Variants in TCF20 observed in about 807,000 individuals in gnomAD.
The protein encoded by TCF20 is SPRE-binding protein.
A neutral mutation model predicts 148.6 loss-of-function variants in TCF20; 3 were observed. That is an observed-to-expected ratio of 0.02 (90% CI 0.01 to 0.05). TCF20 has a LOEUF of 0.05. Among genes scored for constraint, TCF20 ranks in the 10% least tolerant of loss-of-function variants. The pLI, the probability that TCF20 is intolerant of heterozygous loss-of-function variation, is 1.00. For missense variants in TCF20, 2,350 were observed against 2,429.3 expected (o/e 0.97, Z 0.69); for synonymous variants, 1,049 against 909.5 (o/e 1.15, Z -2.76).
rs1291348171 is a variant in TCF20, at chr22:42,209,863, C to T, written c.5443G>A (p.Gly1815Ser). Reference protein sequence around the residue: ...GLPCKKAATEGSSEKTVLDSK... With the variant: ...GLPCKKAATESSSEKTVLDSK... Reference sequence around the variant, plus strand: ...TCCAAAACAGTCTTTTCACTGCTGCCCTCAGTGGCTGCTTTTTTACAAGGG... The same window carrying T: ...TCCAAAACAGTCTTTTCACTGCTGCTCTCAGTGGCTGCTTTTTTACAAGGG... Residue 1815 changes from glycine (G) to serine (S), a missense_variant, in exon 2 of 6, where the codon GGC becomes AGC. Physicochemically the swap from Gly to Ser is moderately conservative, Grantham distance 56. Coordinates refer to ENST00000677622, the MANE Select transcript of TCF20 (RefSeq NM_001378418.1). 1.9e-6 allele frequency: 3 copies of T among 1,614,082 alleles called. No individual in the cohort carries two copies. The highest frequency in any genetic ancestry group is 3.3e-5 in the Admixed American group (2 of 60,006).
chr22:42,258,851 G>A (rs1466240108), intron 1 of TCF20, among the ~76,000 whole-genome samples: 2 of 151,962 alleles, frequency 1.3e-5, no homozygotes, highest in Admixed American at 6.6e-5. Context: ...TCCATAAGAA[G>A]TATTTATATT....
At chr22:42,206,566 T>C (rs1938402063) in intron 2 of TCF20, among the ~76,000 whole-genome samples, 1 of 152,206 alleles carries the variant, frequency 6.6e-6, no homozygotes, top group Non-Finnish European at 1.5e-5. Context: ...TGTTACATCC[T>C]CCTAGGATCT....
chr22:42,248,174 C>G (rs560110820), intron 1 of TCF20, among the ~76,000 whole-genome samples: 4 of 152,204 alleles, frequency 2.6e-5, no homozygotes, highest in Non-Finnish European at 5.9e-5. Context: ...AGCACGTACT[C>G]ATGTGGGCGC....
intron 2 of TCF20, among the ~76,000 whole-genome samples, chr22:42,209,146 A>G (rs1436015117): frequency 6.6e-6 from 1 of 152,216 alleles, no homozygotes; most frequent in Non-Finnish European, 1.5e-5. Flanking sequence ...GGCTAGGATA[A>G]AGTCATGCTC....
At chr22:42,208,940 G>A (rs1319332050) in intron 2 of TCF20, among the ~76,000 whole-genome samples, 4 of 152,142 alleles carry the variant, frequency 2.6e-5, no homozygotes, top group Admixed American at 1.3e-4. Flanking sequence ...AGACCCTAGG[G>A]AAAAGGAGAA....
At chr22:42,196,201 G>A (rs1405802365) in intron 2 of TCF20, among the ~76,000 whole-genome samples, 2 of 152,226 alleles carry the variant, frequency 1.3e-5, no homozygotes, top group Non-Finnish European at 2.9e-5. Flanking sequence ...AGTGACTTGG[G>A]GGATTTGACC....
chr22:42,280,415 T>C (rs1276847963), intron 1 of TCF20, among the ~76,000 whole-genome samples: 3 of 152,204 alleles, frequency 2.0e-5, no homozygotes, highest in Non-Finnish European at 4.4e-5. Flanking sequence ...ACTCCAGCCA[T>C]CCACTTCCCT....
At chr22:42,203,304 C>G (rs183015563) in intron 2 of TCF20, among the ~76,000 whole-genome samples, 1,960 of 152,158 alleles carry the variant, frequency 0.013, 18 homozygotes, top group Non-Finnish European at 0.018. Context: ...AGCCACCTTG[C>G]CCAGCCTTGG....
intron 1 of TCF20, among the ~76,000 whole-genome samples, chr22:42,282,490 G>A (rs569564661): frequency 1.0e-3 from 154 of 152,332 alleles, no homozygotes; most frequent in African/African-American, 3.3e-3. Flanking sequence ...CCAACCTCCA[G>A]GCCAGCCAGG....
At chr22:42,187,980 G>A (rs924165021) in intron 2 of TCF20, among the ~76,000 whole-genome samples, 3 of 152,012 alleles carry the variant, frequency 2.0e-5, no homozygotes, top group Admixed American at 1.3e-4. Flanking sequence ...CTCTTTTTAT[G>A]CCATTGTTGC....
At chr22:42,238,402 C>T (rs1266210276) in intron 1 of TCF20, among the ~76,000 whole-genome samples, 1 of 152,240 alleles carries the variant, frequency 6.6e-6, no homozygotes, top group African/African-American at 2.4e-5. Flanking sequence ...TTTTCCATAT[C>T]AGCAATAAGC....
chr22:42,339,118 G>A (rs1262215381), intron 1 of TCF20, among the ~76,000 whole-genome samples: 2 of 152,136 alleles, frequency 1.3e-5, no homozygotes, highest in Non-Finnish European at 2.9e-5. Context: ...CAAAGAGTCC[G>A]GACCAAAGAC....
At chr22:42,194,403 G>A (rs969001371) in intron 2 of TCF20, among the ~76,000 whole-genome samples, 2 of 152,294 alleles carry the variant, frequency 1.3e-5, no homozygotes, top group African/African-American at 2.4e-5. Flanking sequence ...GCCAGGAGGC[G>A]AAACTAAAAC....
chr22:42,247,303 G>T (rs1924999775), intron 1 of TCF20, among the ~76,000 whole-genome samples: 1 of 151,832 alleles, frequency 6.6e-6, no homozygotes. Context: ...TGCTTGGCGT[G>T]GTGGCAGGCG....
At chr22:42,251,813 T>C (rs181046854) in intron 1 of TCF20, among the ~76,000 whole-genome samples, 309 of 152,012 alleles carry the variant, frequency 2.0e-3, no homozygotes, top group African/African-American at 7.3e-3. Context: ...CAAATAAGTA[T>C]TTTTTAAATA....
intron 1 of TCF20, among the ~76,000 whole-genome samples, chr22:42,296,949 C>T (rs1411048772): frequency 6.6e-6 from 1 of 152,256 alleles, no homozygotes; most frequent in Non-Finnish European, 1.5e-5. Flanking sequence ...ATGCCAGGTG[C>T]TCCATGCACT....
upstream of TCF20, chr22:42,274,916 C>T (rs935927101): frequency 9.9e-5 from 15 of 152,242 alleles, no homozygotes; most frequent in African/African-American, 3.1e-4. Context: ...GCAGATTTCC[C>T]TTTATCATCC....
chr22:42,311,982 G>A (rs1486707863), intron 1 of TCF20, among the ~76,000 whole-genome samples: 1 of 152,206 alleles, frequency 6.6e-6, no homozygotes, highest in Non-Finnish European at 1.5e-5. Flanking sequence ...TATGCCAAAG[G>A]AATGAATCAC....
Position 42,209,750 on chromosome 22 carries a change from A to G in TCF20, c.5556T>C (p.Phe1852=), listed in dbSNP as rs1441835307. The change falls in exon 2 of 6, where the codon TTT becomes TTC. Residue 1852 remains phenylalanine, a synonymous_variant. Coordinates refer to ENST00000677622, the MANE Select transcript of TCF20 (RefSeq NM_001378418.1). ...IPELPLDSNE[F]WVHEGCILWA... is the part of the protein sequence containing the mutation. ...AGAGAATACAACCCTCATGGACCCA[A>G]AATTCATTGCTGTCAAGAGGTAGTT... is the stretch of plus-strand genomic sequence containing the variant. The G allele has an allele frequency of 2.5e-6, 4 of 1,614,190 alleles. No individual in the cohort carries two copies. The highest frequency in any genetic ancestry group is 1.6e-4 in the Middle Eastern group (1 of 6,062).
Sources: gnomAD v4.1 joint callset for allele counts (sites outside exome capture counted in the v4.1 genomes callset) on GRCh38, gnomAD v4.1.1 for gene constraint, MANE v1.5 for transcripts, NCBI Gene and HGNC (gene_info 2026-07-23, HGNC 2026-07-21) for gene names.